ZC3H12D: variants seen among roughly 807,000 people sequenced by gnomAD.
ZC3H12D encodes probable ribonuclease ZC3H12D.
In ZC3H12D, 11 loss-of-function variants were observed where a neutral mutation model predicts 24.2. The observed-to-expected ratio is 0.46, with a 90% CI of 0.29 to 0.75. The LOEUF is 0.75. ZC3H12D is among the 30% of genes least tolerant of loss of function. ZC3H12D has a pLI of 0.11. For synonymous variants in ZC3H12D, 333 were observed against 341.8 expected (o/e 0.97, Z 0.28); for missense variants, 740 against 767.7 (o/e 0.96, Z 0.43).
Position 149,474,585 on chromosome 6 carries a change from T to G in ZC3H12D, c.-42A>C. On this transcript the variant is annotated 5_prime_UTR_variant, in exon 2 of 6. Coordinates refer to ENST00000409806, the MANE Select transcript of ZC3H12D (RefSeq NM_207360.3). ...ACTGGCGCAGGTCCTGCCCCAGGCT[T>G]CCTCCTCTCAGAGCCCTGCAGACAT... 4.9e-6 allele frequency: 7 copies of G among 1,430,632 alleles called. No individual in the cohort carries two copies. Among genetic ancestry groups the G allele is most frequent in the Non-Finnish European group, 6.5e-6 (7 of 1,080,650 alleles). The allele number at this position is 1,430,632 out of a possible 1,614,324, so 88.6% of individuals were successfully genotyped here.
chr6:149,480,999 C>T (rs146453449), intron 1 of ZC3H12D, among the ~76,000 whole-genome samples: 8 of 151,866 alleles, frequency 5.3e-5, no homozygotes, highest in Middle Eastern at 3.4e-3. Context: ...TCTCTCAGGA[C>T]GGTTGTCCCC....
At chr6:149,470,658 G>A (rs1225501497) in intron 2 of ZC3H12D, among the ~76,000 whole-genome samples, 2 of 152,214 alleles carry the variant, frequency 1.3e-5, no homozygotes, top group African/African-American at 4.8e-5. Context: ...TCCTAATTGT[G>A]TAAATAGGGC....
chr6:149,470,297 T>G (rs937972777), intron 2 of ZC3H12D, among the ~76,000 whole-genome samples: 6 of 151,694 alleles, frequency 4.0e-5, no homozygotes, highest in Admixed American at 3.3e-4. Flanking sequence ...GAGGTAGAGG[T>G]TGCAGCGAGC....
chr6:149,461,352 A>AAAAAAG (rs375521280), intron 3 of ZC3H12D, among the ~76,000 whole-genome samples: 3 of 147,372 alleles, frequency 2.0e-5, no homozygotes, highest in African/African-American at 7.7e-5. Context: ...AAAAAAAAAA[A>AAAAAAG]AAGAAGAAGA....
At chr6:149,478,467 T>A (rs1776375844) in intron 1 of ZC3H12D, among the ~76,000 whole-genome samples, 1 of 152,222 alleles carries the variant, frequency 6.6e-6, no homozygotes, top group African/African-American at 2.4e-5. Context: ...ATTGGTTTAT[T>A]ATTATGTAGA....
intron 3 of ZC3H12D, among the ~76,000 whole-genome samples, chr6:149,458,124 G>GTTTTTTTTTTTTTTTTTT: frequency 2.7e-5 from 1 of 37,568 alleles, no homozygotes; most frequent in South Asian, 6.9e-4. Context: ...TTTTTTTTTC[G>GTTTTTTTTTTTTTTTTTT]TTTCTTTTTT....
At chr6:149,481,805 C>A (rs149224364) in intron 1 of ZC3H12D, among the ~76,000 whole-genome samples, 2 of 152,336 alleles carry the variant, frequency 1.3e-5, no homozygotes, top group Non-Finnish European at 2.9e-5. Context: ...AGTAAAATGG[C>A]AGAGATGATC....
chr6:149,459,378 T>C (rs926292211), intron 3 of ZC3H12D: 3 of 550,982 alleles, frequency 5.4e-6, no homozygotes, highest in African/African-American at 3.8e-5. Context: ...GGGGGAGATC[T>C]ATAATCATGT....
chr6:149,461,352 A>AAAAAG (rs375521280), intron 3 of ZC3H12D, among the ~76,000 whole-genome samples: 8 of 147,424 alleles, frequency 5.4e-5, no homozygotes, highest in African/African-American at 1.8e-4. Flanking sequence ...AAAAAAAAAA[A>AAAAAG]AAGAAGAAGA....
At chr6:149,458,124 G>GTTTTTTTTTTTTTTTTTTTTTT (rs1562472740) in intron 3 of ZC3H12D, among the ~76,000 whole-genome samples, 7 of 37,604 alleles carry the variant, frequency 1.9e-4, no homozygotes, top group African/African-American at 3.7e-4. Context: ...TTTTTTTTTC[G>GTTTTTTTTTTTTTTTTTTTTTT]TTTCTTTTTT....
At chr6:149,464,248 G>C (rs1219791905) in intron 2 of ZC3H12D, among the ~76,000 whole-genome samples, 1 of 152,178 alleles carries the variant, frequency 6.6e-6, no homozygotes, top group African/African-American at 2.4e-5. Flanking sequence ...GGAAAGCCAG[G>C]GGAAAAGGGG....
Position 149,450,999 on chromosome 6 carries a change from T to C in ZC3H12D, c.1268A>G (p.His423Arg). 6.6e-7 allele frequency: 1 copy of C among 1,513,966 alleles called. No individual in the cohort carries two copies. The allele number at this position is 1,513,966 out of a possible 1,614,324, so 93.8% of individuals were successfully genotyped here. The part of the protein sequence containing the change: ...PRGEHRPRDL[H>R]GDLLSPRRPP... The stretch of plus-strand genomic sequence containing the variant: ...CCTGCGCGGGGAAAGCAAGTCGCCG[T>C]GCAGGTCCCTAGGGCGGTGTTCGCC... Residue 423 changes from histidine to arginine, a missense_variant, in exon 6 of 6, where the codon CAC becomes CGC. Transcript: ENST00000409806.
chr6:149,451,096 G>A lies in ZC3H12D; in HGVS notation c.1171C>T (p.Leu391Phe). The A allele has an allele frequency of 7.3e-7, 1 of 1,374,806 alleles. No homozygotes were observed. Among genetic ancestry groups the A allele is most frequent in the Non-Finnish European group, 9.3e-7 (1 of 1,070,084 alleles). 85.2% of individuals were successfully genotyped at this position (1,374,806 alleles called of 1,614,324 possible). A position where few individuals can be genotyped will look rare whatever the true frequency, so the allele number is the denominator to read the frequency against. ...GAGAACTGGCTCTCCGGGCTAGGGA[G>A]GCTGAGCGGGCCTGGCACCCGGCCG... ...AGGRVPGPLS[L>F]PSPESQFSPG... Residue 391 changes from leucine (L) to phenylalanine (F), a missense_variant, in exon 6 of 6, where the codon CTC (leucine) becomes TTC (phenylalanine). Leu to Phe is a conservative substitution (Grantham distance 22). Coordinates refer to ENST00000409806, the MANE Select transcript of ZC3H12D (RefSeq NM_207360.3).
intron 2 of ZC3H12D, among the ~76,000 whole-genome samples, chr6:149,462,903 T>C (rs144349944): frequency 0.011 from 1,744 of 152,294 alleles, 38 homozygotes; most frequent in African/African-American, 0.04. Context: ...CTTCCCTATT[T>C]TTGAGGTTTT....
At chr6:149,466,610 G>T (rs931166099) in intron 2 of ZC3H12D, among the ~76,000 whole-genome samples, 8 of 152,134 alleles carry the variant, frequency 5.3e-5, no homozygotes, top group African/African-American at 1.9e-4. Flanking sequence ...GGGTGCTGTG[G>T]CTCACGCCTG....
intron 2 of ZC3H12D, among the ~76,000 whole-genome samples, chr6:149,467,529 C>T (rs112205630): frequency 0.031 from 4,733 of 152,258 alleles, 241 homozygotes; most frequent in African/African-American, 0.11. Context: ...GCTGAGATTA[C>T]AGGCATGAGC....
At chr6:149,472,332 G>A (rs1776259114) in intron 2 of ZC3H12D, among the ~76,000 whole-genome samples, 1 of 152,206 alleles carries the variant, frequency 6.6e-6, no homozygotes, top group African/African-American at 2.4e-5. Flanking sequence ...GGGGATGTGT[G>A]TGTGTAGACA....
In ZC3H12D at chr6:149,456,623, G is replaced by GGGGGCCGGCC; in HGVS notation, c.680+42_680+43insGGCCGGCCCC. ...GCCACTGCCTCGACCCCGGCCCCCC[G>GGGGGCCGGCC]CCCCGCCGCCCCCCAGGGTGTCAGG... On this transcript the variant is annotated intron_variant, in intron 4 of 5. Coordinates refer to ENST00000409806, the MANE Select transcript of ZC3H12D (RefSeq NM_207360.3). This position sits in a 1 kb window ranked among gnomAD's most constrained non-coding sequence, Gnocchi z 4.3. The GGGGGCCGGCC allele has an allele frequency of 4.0e-6, 3 of 744,586 alleles. No homozygotes were observed. Among genetic ancestry groups the GGGGGCCGGCC allele is most frequent in the Non-Finnish European group, 4.4e-6 (2 of 456,106 alleles). 46.1% of individuals were successfully genotyped at this position (744,586 alleles called of 1,614,324 possible).
intron 3 of ZC3H12D, 131 bp from the exon 4 acceptor site, chr6:149,457,031 A>G: frequency 1.2e-6 from 1 of 843,244 alleles, no homozygotes; most frequent in South Asian, 1.8e-5. Flanking sequence ...AAAAAACACC[A>G]GTTTTTGCCG....
Sources: gnomAD v4.1 joint callset for allele counts (sites outside exome capture counted in the v4.1 genomes callset) on GRCh38, gnomAD v4.1.1 for gene constraint, Gnocchi (gnomAD v3.1) non-coding constraint, MANE v1.5 for transcripts, NCBI Gene and HGNC (gene_info 2026-07-23, HGNC 2026-07-21) for gene names.